MAST2: variants seen among roughly 807,000 people sequenced by gnomAD.
The protein encoded by MAST2 is microtubule-associated serine/threonine-protein kinase 2.
A neutral mutation model predicts 147.4 loss-of-function variants in MAST2; 70 were observed. The observed-to-expected ratio is 0.47, with a 90% CI of 0.39 to 0.58. The LOEUF (loss-of-function observed/expected upper bound fraction) is 0.58, where lower values mean the gene tolerates loss of function less well. Ranked by LOEUF, MAST2 falls within the 20% of genes least tolerant of loss-of-function variation. The pLI is 0.00. For synonymous variants in MAST2, 869 were observed against 896.8 expected (o/e 0.97, Z 0.55); for missense variants, 2,080 against 2,302.3 (o/e 0.90, Z 1.98).
intron 4 of MAST2, among the ~76,000 whole-genome samples, chr1:45,939,459 T>C (rs150529405): frequency 0.012 from 1,844 of 152,192 alleles, 28 homozygotes; most frequent in African/African-American, 0.039. Flanking sequence ...CCTCCAACTT[T>C]GTTCTTTTTC....
intron 4 of MAST2, among the ~76,000 whole-genome samples, chr1:45,921,620 A>G (rs530241157): frequency 1.4e-4 from 21 of 152,288 alleles, no homozygotes; most frequent in Non-Finnish European, 1.9e-4. Flanking sequence ...GTGAGGCTGC[A>G]TCGGGACCAG....
At chr1:45,899,758 C>T (rs955776590) in intron 4 of MAST2, among the ~76,000 whole-genome samples, 4 of 151,336 alleles carry the variant, frequency 2.6e-5, no homozygotes, top group African/African-American at 7.3e-5. Context: ...AATAGTGCTG[C>T]GATAAATGTA....
chr1:45,997,715 C>T lies in MAST2; in HGVS notation c.593-9C>T. 1 of 1,612,256 alleles carries T rather than the reference C, an allele frequency of 6.2e-7. No individual in the cohort carries two copies. The highest frequency in any genetic ancestry group is 8.5e-7 in the Non-Finnish European group (1 of 1,178,258). The stretch of plus-strand genomic sequence containing the variant: ...CCTCACAGAGTTTTGTTTCTTTTCC[C>T]ATCCACAGGTAACAGTCCTTTGGAC... On this transcript the variant is annotated splice_polypyrimidine_tract_variant and intron_variant, in intron 5 of 28. Coordinates refer to ENST00000361297, the MANE Select transcript of MAST2 (RefSeq NM_015112.3).
chr1:46,030,942 T>C, intron 22 of MAST2, 65 bp from the exon 23 acceptor site: 1 of 1,566,882 alleles, frequency 6.4e-7, no homozygotes, highest in Non-Finnish European at 8.7e-7. Context: ...TGTGTGCCCC[T>C]AAGGAGACCT....
chr1:45,943,671 G>A lies in MAST2; in HGVS notation c.501-15715G>A, dbSNP rs186533521. Among the ~76,000 whole-genome samples the A allele has an allele frequency of 3.6e-3, 555 of 152,206 alleles. 2 individuals carry two copies. The highest frequency in any genetic ancestry group is 5.6e-3 in the Admixed American group (86 of 15,290). On this transcript the variant is annotated intron_variant, in intron 4 of 28. Transcript: ENST00000361297. ...TGAGGCAGGAGAATCGCTTGAACCC[G>A]GGAGGCAGAGGTTGCCGTGAGCCAA...
chr1:45,831,032 A>G (rs1193486125), intron 3 of MAST2, among the ~76,000 whole-genome samples: 48 of 59,576 alleles, frequency 8.1e-4, no homozygotes, highest in African/African-American at 1.6e-3. Flanking sequence ...CTTGTCTGGA[A>G]AAAAAAAAAA....
chr1:45,854,063 G>T (rs1334667132), intron 3 of MAST2, among the ~76,000 whole-genome samples: 2 of 152,064 alleles, frequency 1.3e-5, no homozygotes, highest in African/African-American at 4.8e-5. Context: ...TTCAGGCCGG[G>T]CACAGTGGCT....
intron 5 of MAST2, among the ~76,000 whole-genome samples, chr1:45,975,039 A>G (rs1368672861): frequency 2.0e-5 from 3 of 152,174 alleles, no homozygotes; most frequent in Non-Finnish European, 4.4e-5. Context: ...GAATGCCTGA[A>G]GATGAAATGA....
rs772807759 is a variant in MAST2, at chr1:46,034,134, C to T, written c.3736C>T (p.Arg1246Cys). The T allele has an allele frequency of 1.5e-5, 25 of 1,614,050 alleles. No homozygotes were observed. The highest frequency in any genetic ancestry group is 5.5e-5 in the South Asian group (5 of 91,086). ...GCAAGCATCCCTGCTCCACACCAGC[C>T]GCAGCCTTTCTTCCCTTAACCGCTC... ...TKQASLLHTS[R>C]SLSSLNRSLS... Residue 1246 changes from arginine (R) to cysteine (C), a missense_variant, in exon 28 of 29, where the codon CGC becomes TGC. Arg to Cys is a radical substitution (Grantham distance 180). Coordinates refer to ENST00000361297, the MANE Select transcript of MAST2 (RefSeq NM_015112.3).
chr1:46,020,954 T>C (rs1287931811), intron 11 of MAST2, among the ~76,000 whole-genome samples: 1 of 152,202 alleles, frequency 6.6e-6, no homozygotes, highest in East Asian at 1.9e-4. Context: ...GATAGTGAAT[T>C]GGAAGAGAGG....
chr1:45,933,876 T>C (rs1055312137), intron 4 of MAST2, among the ~76,000 whole-genome samples: 2 of 151,924 alleles, frequency 1.3e-5, no homozygotes, highest in Non-Finnish European at 2.9e-5. Context: ...CAAAATATTG[T>C]ATCCTTCTAC....
At chr1:45,946,585 A>G (rs75130614) in intron 4 of MAST2, among the ~76,000 whole-genome samples, 7,055 of 152,232 alleles carry the variant, frequency 0.046, 525 homozygotes, top group African/African-American at 0.16. Context: ...TTGCAGGAAC[A>G]TGTAGCAGAG....
intron 21 of MAST2, 114 bp downstream of exon 21, chr1:46,030,352 A>G: frequency 9.5e-7 from 1 of 1,056,002 alleles, no homozygotes; most frequent in South Asian, 1.5e-5. Context: ...GGCCACCTCT[A>G]GAAAAAGAGG....
intron 5 of MAST2, among the ~76,000 whole-genome samples, chr1:45,989,621 T>C (rs929029072): frequency 2.0e-5 from 3 of 152,166 alleles, no homozygotes; most frequent in African/African-American, 7.2e-5. Context: ...CTTACATTAC[T>C]CTCTAGGTTA....
intron 2 of MAST2, among the ~76,000 whole-genome samples, chr1:45,825,683 T>G (rs1450086193): frequency 6.6e-6 from 1 of 151,556 alleles, no homozygotes; most frequent in African/African-American, 2.4e-5. Context: ...TCCGCCTGCC[T>G]TGGCCTCCCA....
intron 3 of MAST2, among the ~76,000 whole-genome samples, chr1:45,867,380 G>A (rs1297503574): frequency 6.6e-6 from 1 of 152,158 alleles, no homozygotes. Context: ...CTAAGACACA[G>A]CCTACTTTGA....
At chr1:45,841,601 A>G (rs1645279307) in intron 3 of MAST2, among the ~76,000 whole-genome samples, 1 of 152,128 alleles carries the variant, frequency 6.6e-6, no homozygotes, top group African/African-American at 2.4e-5. Flanking sequence ...TGTGCGGGCT[A>G]GTCTCTGCTG....
chr1:45,900,173 CAAAAAAAAAAAA>C (rs59051138), intron 4 of MAST2, among the ~76,000 whole-genome samples: 2 of 54,106 alleles, frequency 3.7e-5, no homozygotes, highest in Admixed American at 2.6e-4. Context: ...CTCTCTCTCT[CAAAAAAAAAAAA>C]AAAAAAAAAA....
At chr1:45,991,619 C>T (rs1278270257) in intron 5 of MAST2, among the ~76,000 whole-genome samples, 1 of 152,042 alleles carries the variant, frequency 6.6e-6, no homozygotes, top group Non-Finnish European at 1.5e-5. Context: ...GTAGGCATTT[C>T]AGTTTTTCTG....
Sources: allele counts gnomAD v4.1 joint callset (sites outside exome capture counted in the v4.1 genomes callset), GRCh38; gene constraint gnomAD v4.1.1; transcripts MANE v1.5; gene names NCBI Gene and HGNC (gene_info 2026-07-23, HGNC 2026-07-21).